The following FCHSD2 variants were observed in gnomAD, a reference collection of about 807,000 sequenced individuals.
FCHSD2 encodes the protein F-BAR and double SH3 domains protein 2.
Under a neutral mutation model 108.1 loss-of-function variants are expected in FCHSD2, and 38 were observed. That is an observed-to-expected ratio of 0.35 (90% CI 0.27 to 0.46). The LOEUF (loss-of-function observed/expected upper bound fraction) is 0.46. Ranked by LOEUF, FCHSD2 falls within the 20% of genes least tolerant of loss-of-function variation. The pLI is 1.00. For missense variants in FCHSD2, 751 were observed against 897.8 expected (o/e 0.84, Z 2.09); for synonymous variants, 279 against 314.7 (o/e 0.89, Z 1.20).
intron 8 of FCHSD2, among the ~76,000 whole-genome samples, chr11:72,960,408 C>A (rs927082395): frequency 2.0e-5 from 3 of 152,176 alleles, no homozygotes; most frequent in African/African-American, 7.2e-5. Flanking sequence ...ATGCTCTAGT[C>A]TGCTGCTCCT....
intron 2 of FCHSD2, among the ~76,000 whole-genome samples, chr11:73,086,826 G>A (rs973281763): frequency 1.3e-5 from 2 of 152,246 alleles, no homozygotes; most frequent in Middle Eastern, 3.4e-3. Flanking sequence ...TCCCAGAAAT[G>A]AATAGATAAA....
intron 2 of FCHSD2, among the ~76,000 whole-genome samples, chr11:73,133,168 T>C (rs2135573887): frequency 6.6e-6 from 1 of 152,338 alleles, no homozygotes. Context: ...TTATTGCTGG[T>C]GGGAATATAA....
intron 3 of FCHSD2, among the ~76,000 whole-genome samples, chr11:73,036,645 T>G (rs977940264): frequency 1.3e-5 from 2 of 152,236 alleles, no homozygotes; most frequent in African/African-American, 4.8e-5. Context: ...TAAATTTTAG[T>G]TCTACTTTGG....
intron 5 of FCHSD2, among the ~76,000 whole-genome samples, chr11:72,993,410 T>A (rs1272607897): frequency 3.3e-5 from 5 of 152,184 alleles, no homozygotes; most frequent in Non-Finnish European, 7.4e-5. Context: ...CATTACTGGG[T>A]ATATACCCAA....
chr11:72,926,784 C>T (rs756178210), intron 8 of FCHSD2, among the ~76,000 whole-genome samples: 2 of 152,102 alleles, frequency 1.3e-5, no homozygotes, highest in African/African-American at 2.4e-5. Context: ...CCAGAGATCC[C>T]GTAACAAAAG....
intron 8 of FCHSD2, among the ~76,000 whole-genome samples, chr11:72,928,721 TTTA>T (rs1251683777): frequency 6.6e-6 from 1 of 152,128 alleles, no homozygotes; most frequent in Non-Finnish European, 1.5e-5. Flanking sequence ...CTTTCTTTTT[TTTA>T]TTTTATTATT....
At chr11:72,849,699 T>G in intron 14 of FCHSD2, 56 bp downstream of exon 14, 1 of 1,325,266 alleles carries the variant, frequency 7.5e-7, no homozygotes, top group Non-Finnish European at 1.1e-6. Context: ...GATACAGTCA[T>G]GTGTATCTTC....
chr11:72,865,735 C>A (rs1216643753), intron 13 of FCHSD2, among the ~76,000 whole-genome samples: 1 of 150,798 alleles, frequency 6.6e-6, no homozygotes, highest in Non-Finnish European at 1.5e-5. Context: ...TCATGAGATT[C>A]TGGAGTTGGT....
intron 2 of FCHSD2, among the ~76,000 whole-genome samples, chr11:73,104,073 T>C (rs1330879325): frequency 3.3e-5 from 5 of 152,236 alleles, no homozygotes; most frequent in East Asian, 1.9e-4. Context: ...GCCATCCCCA[T>C]TGTGCACAGA....
chr11:72,851,877 CTTTTT>C (rs56101807), intron 13 of FCHSD2, among the ~76,000 whole-genome samples: 13 of 123,446 alleles, frequency 1.1e-4, no homozygotes, highest in Non-Finnish European at 8.6e-5. Context: ...GTCAGAGTGG[CTTTTT>C]TTTTTTTTTT....
chr11:73,025,631 C>T (rs1003992598), intron 3 of FCHSD2, among the ~76,000 whole-genome samples: 2 of 151,980 alleles, frequency 1.3e-5, no homozygotes, highest in Non-Finnish European at 2.9e-5. Context: ...ACTTGTACCC[C>T]TGAACTTAAA....
chr11:72,973,852 A>G (rs1021678251), intron 8 of FCHSD2, among the ~76,000 whole-genome samples: 57 of 152,176 alleles, frequency 3.7e-4, no homozygotes, highest in African/African-American at 1.3e-3. Context: ...AGCCACATTC[A>G]TGGCTGCACT....
intron 12 of FCHSD2, among the ~76,000 whole-genome samples, chr11:72,882,212 G>T (rs1855104621): frequency 6.6e-6 from 1 of 152,104 alleles, no homozygotes; most frequent in Non-Finnish European, 1.5e-5. Context: ...GGAGGCCAAG[G>T]CGGGTGGATC....
chr11:73,102,962 C>A (rs771565982), intron 2 of FCHSD2, among the ~76,000 whole-genome samples: 2 of 152,124 alleles, frequency 1.3e-5, no homozygotes, highest in African/African-American at 2.4e-5. Flanking sequence ...ATCTCAAAAA[C>A]ATTACACTAA....
intron 2 of FCHSD2, among the ~76,000 whole-genome samples, chr11:73,092,384 T>C (rs1859978894): frequency 1.3e-5 from 2 of 151,918 alleles, no homozygotes; most frequent in African/African-American, 4.8e-5. Flanking sequence ...CAGTGATTCT[T>C]CCACCTCAGC....
At chr11:73,013,653 G>C (rs1857908516) in intron 4 of FCHSD2, among the ~76,000 whole-genome samples, 1 of 152,172 alleles carries the variant, frequency 6.6e-6, no homozygotes, top group Admixed American at 6.5e-5. Context: ...TCACAGAGCT[G>C]TTCTGATAAT....
In FCHSD2 at chr11:72,948,196, T is replaced by C. The variant is rs534590867; in HGVS notation, c.706-26246A>G. ...CAAATTTTTGTATTTTTAGTAGAGA[T>C]GGGGTTTTGCCATGTTGGCCAGGCT... On this transcript the variant is annotated intron_variant, in intron 8 of 19. Transcript: ENST00000409418. 1.1e-4 allele frequency among the ~76,000 whole-genome samples: 16 copies of C among 152,188 alleles called. No individual in the cohort carries two copies. The East Asian group carries it at 3.1e-3, about 29-fold the overall frequency.
At chr11:73,090,828 T>G (rs1005884637) in intron 2 of FCHSD2, among the ~76,000 whole-genome samples, 1 of 152,214 alleles carries the variant, frequency 6.6e-6, no homozygotes, top group Non-Finnish European at 1.5e-5. Context: ...TGACATTTAG[T>G]GCATTCACAA....
intron 10 of FCHSD2, among the ~76,000 whole-genome samples, chr11:72,890,330 A>G (rs1010375793): frequency 7.9e-5 from 12 of 152,222 alleles, no homozygotes; most frequent in Admixed American, 7.2e-4. Flanking sequence ...AATGGAAACA[A>G]CTTAATAGTT....
Sources: allele counts gnomAD v4.1 joint callset (sites outside exome capture counted in the v4.1 genomes callset), GRCh38; gene constraint gnomAD v4.1.1; transcripts MANE v1.5; gene names NCBI Gene and HGNC (gene_info 2026-07-23, HGNC 2026-07-21).